Variants in RABGAP1L observed in about 807,000 individuals in gnomAD.
The protein encoded by RABGAP1L is RAB GTPase activating protein 1 like.
Under a neutral mutation model 137.7 loss-of-function variants are expected in RABGAP1L, and 63 were observed. The ratio of observed to expected loss-of-function variants is 0.46; its 90% CI spans 0.37 to 0.56. The LOEUF is 0.56. Among genes scored for constraint, RABGAP1L ranks in the 20% least tolerant of loss-of-function variants. The probability of loss-of-function intolerance (pLI) is 0.00; values close to 1 mark genes in which losing one functional copy is unlikely to be tolerated. For synonymous variants in RABGAP1L, 431 were observed against 433.7 expected, an observed-to-expected ratio of 0.99 and a Z score of 0.08; for missense variants, 1,095 against 1,244.0, an observed-to-expected ratio of 0.88 and a Z score of 1.80.
chr1:174,946,078 G>A (rs1666706731), intron 19 of RABGAP1L, among the ~76,000 whole-genome samples: 1 of 151,322 alleles, frequency 6.6e-6, no homozygotes, highest in Non-Finnish European at 1.5e-5. Flanking sequence ...TTAAAGTAAA[G>A]GTATTCTTTC....
chr1:174,578,549 T>C (rs891386697), intron 13 of RABGAP1L, among the ~76,000 whole-genome samples: 2 of 152,142 alleles, frequency 1.3e-5, no homozygotes, highest in East Asian at 3.8e-4. Context: ...GACCATTACT[T>C]ACAATATGAC....
chr1:174,547,910 C>G, intron 13 of RABGAP1L: 1 of 1,550,130 alleles, frequency 6.5e-7, no homozygotes, highest in Non-Finnish European at 8.7e-7. Context: ...ATGAAGGTCT[C>G]CATGACACCC....
chr1:174,869,010 C>T (rs1263364139), intron 19 of RABGAP1L, among the ~76,000 whole-genome samples: 2 of 152,000 alleles, frequency 1.3e-5, no homozygotes, highest in African/African-American at 4.8e-5. Context: ...AAAATGGAGG[C>T]ATTGGTTGTG....
chr1:174,888,357 C>T (rs1203661496), intron 19 of RABGAP1L, among the ~76,000 whole-genome samples: 1 of 152,120 alleles, frequency 6.6e-6, no homozygotes, highest in Admixed American at 6.6e-5. Context: ...CCACATACCC[C>T]TAATATAACC....
chr1:174,473,954 T>C (rs1658222916), intron 13 of RABGAP1L, among the ~76,000 whole-genome samples: 1 of 152,214 alleles, frequency 6.6e-6, no homozygotes. Context: ...TTCTAGAACT[T>C]CTTTGACTAA....
chr1:174,249,721 C>T (rs1218034101), intron 5 of RABGAP1L, among the ~76,000 whole-genome samples: 1 of 151,052 alleles, frequency 6.6e-6, no homozygotes, highest in African/African-American at 2.4e-5. Flanking sequence ...TGGCTCACTG[C>T]AACCTCCACC....
intron 19 of RABGAP1L, among the ~76,000 whole-genome samples, chr1:174,920,830 C>G (rs1413814073): frequency 6.6e-6 from 1 of 152,186 alleles, no homozygotes; most frequent in Non-Finnish European, 1.5e-5. Context: ...GAAGATACAA[C>G]CATTGCCAAC....
intron 19 of RABGAP1L, among the ~76,000 whole-genome samples, chr1:174,824,182 A>C (rs1218926859): frequency 1.3e-5 from 2 of 152,092 alleles, no homozygotes; most frequent in Admixed American, 1.3e-4. Flanking sequence ...CCCAGCTACT[A>C]GGGAGGCTGG....
chr1:174,248,508 A>G (rs1672449512), intron 5 of RABGAP1L, among the ~76,000 whole-genome samples: 1 of 152,224 alleles, frequency 6.6e-6, no homozygotes, highest in Non-Finnish European at 1.5e-5. Flanking sequence ...ATATGGTGCT[A>G]CTGCAGAAGT....
intron 16 of RABGAP1L, 100 bp from the exon 17 acceptor site, chr1:174,702,013 C>T (rs41266056): frequency 1.4e-5 from 15 of 1,084,064 alleles, no homozygotes; most frequent in Admixed American, 1.1e-4. Flanking sequence ...AGAGTTACAG[C>T]GATCATAGAA....
chr1:174,251,194 CCA>C (rs1185417464), intron 6 of RABGAP1L, among the ~76,000 whole-genome samples: 11 of 152,110 alleles, frequency 7.2e-5, no homozygotes, highest in African/African-American at 2.6e-4. Flanking sequence ...ATCTTGTCAG[CCA>C]CAGTCACTTT....
intron 11 of RABGAP1L, among the ~76,000 whole-genome samples, chr1:174,346,956 C>T (rs573565412): frequency 2.6e-4 from 39 of 152,024 alleles, no homozygotes; most frequent in African/African-American, 8.7e-4. Flanking sequence ...TTTAAAATTT[C>T]CTTCTTAATT....
At chr1:174,969,775 T>TA (rs1315888276) in intron 21 of RABGAP1L, among the ~76,000 whole-genome samples, 2 of 152,232 alleles carry the variant, frequency 1.3e-5, no homozygotes, top group Admixed American at 1.3e-4. Flanking sequence ...TGTGAACTTT[T>TA]ACATGAAGTA....
chr1:174,736,512 G>C (rs79188990), intron 17 of RABGAP1L, among the ~76,000 whole-genome samples: 3,215 of 152,296 alleles, frequency 0.021, 53 homozygotes, highest in Middle Eastern at 0.085. Context: ...TGCCCATGGC[G>C]CTACCATACT....
chr1:174,872,871 C>CA (rs1652428637), intron 19 of RABGAP1L, among the ~76,000 whole-genome samples: 1 of 152,048 alleles, frequency 6.6e-6, no homozygotes, highest in Admixed American at 6.6e-5. Context: ...ACACTGTGAA[C>CA]ATTTTGTCAT....
intron 17 of RABGAP1L, among the ~76,000 whole-genome samples, chr1:174,747,241 A>G (rs1683944158): frequency 6.6e-6 from 1 of 151,992 alleles, no homozygotes; most frequent in African/African-American, 2.4e-5. Flanking sequence ...CATCTCTACG[A>G]AAAAATTAAA....
intron 12 of RABGAP1L, among the ~76,000 whole-genome samples, chr1:174,383,786 G>C (rs1250615482): frequency 6.6e-6 from 1 of 152,146 alleles, no homozygotes; most frequent in Non-Finnish European, 1.5e-5. Flanking sequence ...GACCGGAGCT[G>C]TTCCTATTCG....
intron 5 of RABGAP1L, among the ~76,000 whole-genome samples, chr1:174,249,394 C>T (rs1260999536): frequency 3.3e-5 from 5 of 152,046 alleles, no homozygotes; most frequent in Non-Finnish European, 5.9e-5. Flanking sequence ...TTGGCCAAAA[C>T]CTTGTTTGTG....
intron 13 of RABGAP1L, among the ~76,000 whole-genome samples, chr1:174,600,650 C>T (rs1273712201): frequency 6.6e-6 from 1 of 152,180 alleles, no homozygotes; most frequent in Non-Finnish European, 1.5e-5. Flanking sequence ...CCTTTGACTC[C>T]ACGTCTCTTA....
Sources: gnomAD v4.1 joint callset for allele counts (sites outside exome capture counted in the v4.1 genomes callset) on GRCh38, gnomAD v4.1.1 for gene constraint, MANE v1.5 for transcripts, NCBI Gene and HGNC (gene_info 2026-07-23, HGNC 2026-07-21) for gene names.